TMEM232: variants seen among roughly 807,000 people sequenced by gnomAD.
TMEM232 encodes transmembrane protein 232.
TMEM232 carries 80 observed loss-of-function variants against 78.8 expected under a neutral mutation model. The observed-to-expected ratio is 1.01, with a 90% CI of 0.85 to 1.22. TMEM232 has a LOEUF of 1.22. Among genes scored for constraint, TMEM232 ranks in the 50% most tolerant of loss-of-function variants. The pLI is 0.00. For missense variants in TMEM232, 881 were observed against 742.2 expected (o/e 1.19, Z -2.17); for synonymous variants, 297 against 254.3 (o/e 1.17, Z -1.60).
chr5:110,479,760 G>A (rs1464895734), intron 12 of TMEM232, among the ~76,000 whole-genome samples: 1 of 151,572 alleles, frequency 6.6e-6, no homozygotes, highest in East Asian at 1.9e-4. Context: ...AAATACAGCT[G>A]TTGTCAGTGT....
At chr5:110,477,682 C>G (rs1763398946) in intron 12 of TMEM232, among the ~76,000 whole-genome samples, 1 of 151,776 alleles carries the variant, frequency 6.6e-6, no homozygotes, top group Admixed American at 6.6e-5. Flanking sequence ...TCTGTATCTT[C>G]TTTTATAAAC....
upstream of TMEM232, among the ~76,000 whole-genome samples, chr5:110,730,413 T>A (rs181504210): frequency 6.6e-6 from 1 of 152,362 alleles, no homozygotes; most frequent in East Asian, 1.9e-4. Flanking sequence ...TGATATTATG[T>A]GATATCAGTT....
rs1254195807 is a variant in TMEM232 at position 110,653,765 on chromosome 5, G to C, written c.126-11394C>G. 2.0e-5 allele frequency among the ~76,000 whole-genome samples: 3 copies of C among 152,278 alleles called. No individual in the cohort carries two copies. In the East Asian group the frequency reaches 5.8e-4, roughly 29 times the overall value. ...TAATTGGACGGGAGGAATCTGAGCA[G>C]ATGATCTGTGCCATTCTGGGCATAG... On this transcript the variant is annotated intron_variant, in intron 2 of 13. Coordinates refer to ENST00000455884, the MANE Select transcript of TMEM232 (RefSeq NM_001039763.4).
At chr5:110,618,929 A>C (rs1167555447) in intron 7 of TMEM232, among the ~76,000 whole-genome samples, 1 of 152,202 alleles carries the variant, frequency 6.6e-6, no homozygotes, top group Non-Finnish European at 1.5e-5. Context: ...AGTTTGAACA[A>C]AATGCTAACA....
At chr5:110,599,422 AC>A (rs1179750018) in intron 10 of TMEM232, among the ~76,000 whole-genome samples, 3 of 152,138 alleles carry the variant, frequency 2.0e-5, no homozygotes, top group Non-Finnish European at 4.4e-5. Context: ...TATTCACGAG[AC>A]CCATCTCACA....
intron 10 of TMEM232, among the ~76,000 whole-genome samples, chr5:110,600,418 A>G (rs952495043): frequency 2.6e-5 from 4 of 152,196 alleles, no homozygotes; most frequent in Admixed American, 2.6e-4. Context: ...AACGCTAGCC[A>G]GACTATTACA....
intron 1 of TMEM232, among the ~76,000 whole-genome samples, chr5:110,696,609 A>C (rs897060559): frequency 1.7e-4 from 26 of 152,232 alleles, no homozygotes; most frequent in African/African-American, 6.0e-4. Context: ...GCAAAGTCTC[A>C]GGATACAAAA....
chr5:110,738,473 C>T (rs1799450992), upstream of TMEM232, among the ~76,000 whole-genome samples: 1 of 152,130 alleles, frequency 6.6e-6, no homozygotes, highest in Non-Finnish European at 1.5e-5. Context: ...CCGACGTGCA[C>T]TTCAACTTTT....
At chr5:110,647,187 T>C (rs1025511432) in intron 2 of TMEM232, among the ~76,000 whole-genome samples, 5 of 151,940 alleles carry the variant, frequency 3.3e-5, no homozygotes, top group East Asian at 1.9e-4. Context: ...GATGTCCTTT[T>C]GTACAGCTGC....
intron 12 of TMEM232, among the ~76,000 whole-genome samples, chr5:110,492,692 T>C (rs994853691): frequency 3.3e-5 from 5 of 151,900 alleles, no homozygotes; most frequent in African/African-American, 1.2e-4. Context: ...CTCTAAATAT[T>C]TGAAAGGAAG....
chr5:110,622,636 A>G (rs918318121), intron 7 of TMEM232, among the ~76,000 whole-genome samples: 1 of 152,084 alleles, frequency 6.6e-6, no homozygotes, highest in Non-Finnish European at 1.5e-5. Flanking sequence ...ATCGTGAATA[A>G]TGCCGCAATA....
At chr5:110,453,511 A>C (rs1490205169) in intron 12 of TMEM232, among the ~76,000 whole-genome samples, 1 of 30,790 alleles carries the variant, frequency 3.2e-5, no homozygotes, top group East Asian at 9.6e-4. Context: ...CACATTGGCC[A>C]GGATGGTCTT....
At chr5:110,403,700 T>TA (rs1189495222) in intron 2 of TMEM232, among the ~76,000 whole-genome samples, 3 of 151,998 alleles carry the variant, frequency 2.0e-5, no homozygotes, top group African/African-American at 7.2e-5. Flanking sequence ...TCATATATAT[T>TA]ATGATCTCCT....
intron 4 of TMEM232, among the ~76,000 whole-genome samples, chr5:110,639,968 C>T (rs773144052): frequency 1.4e-4 from 21 of 152,212 alleles, no homozygotes; most frequent in Non-Finnish European, 2.6e-4. Context: ...CAGACTGGTA[C>T]CAGTTCATGG....
At chr5:110,613,739 A>G (rs1034705398) in intron 8 of TMEM232, among the ~76,000 whole-genome samples, 1 of 152,096 alleles carries the variant, frequency 6.6e-6, no homozygotes, top group Non-Finnish European at 1.5e-5. Flanking sequence ...AGTACATAAG[A>G]CCAATATTAA....
intron 11 of TMEM232, among the ~76,000 whole-genome samples, chr5:110,566,979 G>T (rs767168461): frequency 6.6e-6 from 1 of 151,876 alleles, no homozygotes; most frequent in South Asian, 2.1e-4. Flanking sequence ...AGGAACAAAG[G>T]CATGTTTTAC....
rs149739716 is a variant in TMEM232, at chr5:110,459,058, C to A, written c.1704-34142G>T. ...TTCAGGCATCTTTCAGGAGATAAGA[C>A]CATTTGATGGCATCTTCAGAACTGA... On this transcript the variant is annotated intron_variant, in intron 12 of 13. Coordinates refer to ENST00000455884, the MANE Select transcript of TMEM232 (RefSeq NM_001039763.4). Among the ~76,000 whole-genome samples, 7 of 152,198 alleles carry A rather than the reference C, an allele frequency of 4.6e-5. 1 individual carries two copies. The East Asian group carries it at 9.7e-4, about 21-fold the overall frequency.
intron 12 of TMEM232, among the ~76,000 whole-genome samples, chr5:110,517,535 A>C (rs548848027): frequency 6.6e-6 from 1 of 152,156 alleles, no homozygotes; most frequent in African/African-American, 2.4e-5. Flanking sequence ...GCTCCATTCC[A>C]CTCACCTCTG....
chr5:110,490,120 AAAAAGAAAGAAAGAAAGAAAG>A lies in TMEM232; in HGVS notation c.1703+38447_1703+38467del, dbSNP rs1176975133. ...GCCTGACTGAGTGAAACTCCGTTTCAAAAAGAAAGAAAGAAAGAAAGAAAGAAAGAAAGAAAGAAAGAAAGA... is the reference window on the plus strand; with the variant it reads ...GCCTGACTGAGTGAAACTCCGTTTCAAAAGAAAGAAAGAAAGAAAGAAAGA... On this transcript the variant is annotated intron_variant, in intron 12 of 13. Coordinates refer to ENST00000455884, the MANE Select transcript of TMEM232 (RefSeq NM_001039763.4). 2.4e-3 allele frequency among the ~76,000 whole-genome samples: 337 copies of A among 141,430 alleles called. 3 individuals carry two copies. The highest frequency in any genetic ancestry group is 8.2e-3 in the African/African-American group (304 of 37,206). The allele number at this position is 141,430 out of a possible 152,430, so 92.8% of individuals were successfully genotyped here.
Sources: allele counts gnomAD v4.1 joint callset (sites outside exome capture counted in the v4.1 genomes callset), GRCh38; gene constraint gnomAD v4.1.1; transcripts MANE v1.5; gene names NCBI Gene and HGNC (gene_info 2026-07-23, HGNC 2026-07-21).